Variants in EEIG1 observed in about 807,000 individuals in gnomAD.
The protein encoded by EEIG1 is early estrogen-induced gene 1 protein.
chr9:127,955,193 C>A, the EEIG1 span, among the ~76,000 whole-genome samples: 1 of 152,214 alleles, frequency 6.6e-6, no homozygotes, highest in Non-Finnish European at 1.5e-5. Context: ...ACTGCCAGAT[C>A]GAGGCCTCAG....
the EEIG1 span, chr9:127,953,442 T>TA: frequency 1.3e-6 from 1 of 750,894 alleles, no homozygotes; most frequent in African/African-American, 1.8e-5. Context: ...AAGATATTTC[T>TA]AAAAAATAAC....
chr9:127,969,661 G>A, the EEIG1 span, among the ~76,000 whole-genome samples: 1 of 152,142 alleles, frequency 6.6e-6, no homozygotes, highest in Non-Finnish European at 1.5e-5. Context: ...AGCAGGCCCT[G>A]CTGGAGTTTG....
chr9:127,942,991 G>T, the EEIG1 span: 1 of 618,092 alleles, frequency 1.6e-6, no homozygotes, highest in Non-Finnish European at 2.9e-6. Context: ...TGGTGCCTGG[G>T]CCTTGGTGGG....
At chr9:127,943,139 A>C in the EEIG1 span, 2 of 1,557,482 alleles carry the variant, frequency 1.3e-6, no homozygotes, top group Admixed American at 3.3e-5. Context: ...GGAATGATAC[A>C]GGTCTGGACT....
the EEIG1 span, among the ~76,000 whole-genome samples, chr9:127,965,064 G>A: frequency 7.0e-5 from 10 of 143,768 alleles, no homozygotes; most frequent in African/African-American, 2.4e-4. Context: ...AGCCAAGATC[G>A]CGCCATCGCA....
the EEIG1 span, among the ~76,000 whole-genome samples, chr9:127,967,637 G>T: frequency 6.6e-6 from 1 of 152,206 alleles, no homozygotes; most frequent in Non-Finnish European, 1.5e-5. Context: ...GCTCTGCTCG[G>T]GGGACTTCCC....
chr9:127,965,313 AC>A, the EEIG1 span, among the ~76,000 whole-genome samples: 34 of 152,186 alleles, frequency 2.2e-4, no homozygotes, highest in East Asian at 1.5e-3. Flanking sequence ...AGGTGTGACA[AC>A]CGAAAATGTC....
chr9:127,980,785 A>G, the EEIG1 span, among the ~76,000 whole-genome samples: 1 of 149,594 alleles, frequency 6.7e-6, no homozygotes, highest in Admixed American at 6.6e-5. Flanking sequence ...TCCTCAGGGC[A>G]GGCACCGGGC....
chr9:127,949,090 C>T, the EEIG1 span, among the ~76,000 whole-genome samples: 1 of 151,990 alleles, frequency 6.6e-6, no homozygotes. Flanking sequence ...CCAAGGCGGG[C>T]AGATCACGAG....
chr9:127,980,099 T>C, the EEIG1 span: 39 of 1,613,564 alleles, frequency 2.4e-5, no homozygotes, highest in Non-Finnish European at 3.3e-5. Flanking sequence ...TGAAAGTAGT[T>C]TGGAATTTGA....
the EEIG1 span, among the ~76,000 whole-genome samples, chr9:127,969,629 G>A: frequency 6.6e-6 from 1 of 152,058 alleles, no homozygotes; most frequent in Non-Finnish European, 1.5e-5. Flanking sequence ...CCCTCCCCAT[G>A]AACAGCCAAG....
chr9:127,955,225 G>A, the EEIG1 span, among the ~76,000 whole-genome samples: 3 of 152,196 alleles, frequency 2.0e-5, no homozygotes, highest in African/African-American at 4.8e-5. Context: ...GGAGAGGGCC[G>A]CAGCCAAGCC....
the EEIG1 span, chr9:127,943,054 G>A: frequency 2.6e-6 from 2 of 762,510 alleles, no homozygotes; most frequent in South Asian, 3.1e-5. Context: ...GCTACGGGGA[G>A]TGTGGACTGG....
At chr9:127,961,324 A>G in the EEIG1 span, among the ~76,000 whole-genome samples, 2 of 151,950 alleles carry the variant, frequency 1.3e-5, no homozygotes, top group Non-Finnish European at 2.9e-5. Context: ...GGCAGGGATC[A>G]TGGTGGGAGA....
At chr9:127,950,791 C>G in the EEIG1 span, 1 of 1,046,594 alleles carries the variant, frequency 9.6e-7, no homozygotes, top group Non-Finnish European at 1.3e-6. Flanking sequence ...CACGTCCCGG[C>G]GTGCACCGGG....
At chr9:127,950,725 C>A in the EEIG1 span, 1 of 1,396,904 alleles carries the variant, frequency 7.2e-7, no homozygotes, top group South Asian at 1.5e-5. Flanking sequence ...TCGGCAGCAC[C>A]AACATGGCAA....
chr9:127,942,532 G>A, the EEIG1 span: 1 of 155,466 alleles, frequency 6.4e-6, no homozygotes, highest in Non-Finnish European at 1.4e-5. Context: ...AAGGCAGCGG[G>A]AGGACATTTG....
the EEIG1 span, among the ~76,000 whole-genome samples, chr9:127,957,567 C>T: frequency 1.2e-4 from 18 of 152,214 alleles, no homozygotes; most frequent in Non-Finnish European, 5.9e-5. Context: ...CCTATCAAAG[C>T]CCCACGCTGG....
chr9:127,950,807 T>G, the EEIG1 span: 1,675 of 784,110 alleles, frequency 2.1e-3, 4 homozygotes, highest in Middle Eastern at 4.1e-3. Flanking sequence ...CCGGGGCCAG[T>G]GCGCCTGACA....
Sources: gnomAD v4.1 joint callset for allele counts (sites outside exome capture counted in the v4.1 genomes callset) on GRCh38, gnomAD v4.1.1 for gene constraint, MANE v1.5 for transcripts, NCBI Gene and HGNC (gene_info 2026-07-23, HGNC 2026-07-21) for gene names.